Variants in SPTBN2 observed in about 807,000 individuals in gnomAD.
SPTBN2 encodes spectrin beta, non-erythrocytic 2.
Under a neutral mutation model 284.2 loss-of-function variants are expected in SPTBN2, and 107 were observed. The ratio of observed to expected loss-of-function variants is 0.38; its 90% confidence interval spans 0.32 to 0.44. The LOEUF is 0.44. SPTBN2 is among the 20% of genes least tolerant of loss of function. SPTBN2 has a pLI of 1.00. For synonymous variants in SPTBN2, 1,289 were observed against 1,354.8 expected, an observed-to-expected ratio of 0.95 and a Z score of 1.07; for missense variants, 2,569 against 3,287.1, an observed-to-expected ratio of 0.78 and a Z score of 5.34.
rs766376475 is a variant in SPTBN2 at position 66,687,171 on chromosome 11, C to G, written c.6723-4G>C. 1 of 1,613,718 alleles carries G rather than the reference C, an allele frequency of 6.2e-7. No individual in the cohort carries two copies. Among genetic ancestry groups the G allele is most frequent in the South Asian group, 1.1e-5 (1 of 91,088 alleles). On this transcript the variant is annotated splice_polypyrimidine_tract_variant and splice_region_variant and intron_variant, in intron 35 of 37. Coordinates refer to ENST00000533211, the MANE Select transcript of SPTBN2 (RefSeq NM_006946.4). The surrounding 1 kb of genome is among the most constrained non-coding windows in gnomAD (Gnocchi z 5.2). ...ACAGTACACGTTCTGCCAGGACCTG[C>G]GAGGGACGCGGTGCTGACTGGCCGG... is the stretch of plus-strand genomic sequence containing the variant.
At position 66,714,168 on chromosome 11, in the gene SPTBN2, A is replaced by G; in HGVS notation, c.579T>C (p.Tyr193=). The G allele has an allele frequency of 1.2e-6, 2 of 1,614,162 alleles. No individual in the cohort carries two copies. Among genetic ancestry groups the G allele is most frequent in the Non-Finnish European group, 1.7e-6 (2 of 1,180,014 alleles). The change falls in exon 7 of 38, where the codon TAT becomes TAC. Residue 193 remains tyrosine, a synonymous_variant. Transcript: ENST00000533211. ...LLWCQMKTAG[Y]PNVNVHNFTT... is the part of the protein sequence containing the mutation. Reference sequence around the variant, plus strand: ...TGAAGTTGTGTACATTGACGTTGGGATAACTATAAACAGAGATTCAGAAAA... The same window carrying G: ...TGAAGTTGTGTACATTGACGTTGGGGTAACTATAAACAGAGATTCAGAAAA...
chr11:66,737,264 G>C (rs2135610472), intron 1 of SPTBN2, among the ~76,000 whole-genome samples: 1 of 152,316 alleles, frequency 6.6e-6, no homozygotes, highest in East Asian at 1.9e-4. Context: ...TGAAAGAACT[G>C]ATAACAGGGT....
chr11:66,692,937 C>T, intron 25 of SPTBN2, 33 bp downstream of exon 25: 1 of 1,599,714 alleles, frequency 6.3e-7, no homozygotes, highest in East Asian at 2.2e-5. Flanking sequence ...CCGGCTCCAC[C>T]CCCAGGCTGG....
chr11:66,717,341 T>C (rs1473258932), intron 3 of SPTBN2, among the ~76,000 whole-genome samples: 1 of 152,104 alleles, frequency 6.6e-6, no homozygotes, highest in East Asian at 1.9e-4. Flanking sequence ...CAGAGAGCCC[T>C]GTGCAAGGAC....
At chr11:66,695,784 C>T (rs942559280) in intron 21 of SPTBN2, among the ~76,000 whole-genome samples, 14 of 151,768 alleles carry the variant, frequency 9.2e-5, no homozygotes, top group Admixed American at 3.9e-4. Context: ...GGCTGGAGTG[C>T]GATGGCATGA....
chr11:66,722,305 T>G (rs1010250078), intron 1 of SPTBN2, among the ~76,000 whole-genome samples: 1 of 152,144 alleles, frequency 6.6e-6, no homozygotes, highest in Non-Finnish European at 1.5e-5. Context: ...CTGGGCGCGG[T>G]GTCTCACGCC....
chr11:66,732,621 G>A (rs1248300890), upstream of SPTBN2, among the ~76,000 whole-genome samples: 4 of 132,540 alleles, frequency 3.0e-5, no homozygotes, highest in African/African-American at 1.2e-4. Flanking sequence ...CTACACTCCA[G>A]CCTGGGCAAC....
intron 1 of SPTBN2, among the ~76,000 whole-genome samples, chr11:66,736,351 G>A (rs1454915874): frequency 2.0e-5 from 3 of 152,110 alleles, no homozygotes; most frequent in African/African-American, 7.2e-5. Context: ...TCTCCAGGTG[G>A]GACTCAAACC....
At chr11:66,743,747 G>C (rs1023409065) in intron 1 of SPTBN2, among the ~76,000 whole-genome samples, 15 of 152,336 alleles carry the variant, frequency 9.8e-5, no homozygotes, top group African/African-American at 3.6e-4. Flanking sequence ...AACGTGGAAA[G>C]GGGCCTGGAT....
intron 25 of SPTBN2, 100 bp from the exon 26 acceptor site, chr11:66,692,840 C>G: frequency 5.0e-6 from 8 of 1,594,804 alleles, no homozygotes; most frequent in Non-Finnish European, 6.8e-6. Flanking sequence ...CCCAACAGCT[C>G]GCCCACCCTG....
intron 3 of SPTBN2, among the ~76,000 whole-genome samples, chr11:66,720,100 G>A (rs562567317): frequency 2.6e-5 from 4 of 152,318 alleles, no homozygotes; most frequent in African/African-American, 9.6e-5. Context: ...GGAGGGGCTT[G>A]GAAACCTGTA....
Position 66,699,100 on chromosome 11 carries a change from T to C in SPTBN2, c.3777-18A>G. The C allele has an allele frequency of 1.9e-6, 3 of 1,614,092 alleles. No individual in the cohort carries two copies. The highest frequency in any genetic ancestry group is 2.5e-6 in the Non-Finnish European group (3 of 1,179,956). On this transcript the variant is annotated intron_variant, in intron 18 of 37. Transcript: ENST00000533211. Reference sequence around the variant, plus strand: ...TCTTGTGCCTGGAACGACACCCTCTTGTGAAACTCTGGAATTTGCTGTGAA... The same window carrying C: ...TCTTGTGCCTGGAACGACACCCTCTCGTGAAACTCTGGAATTTGCTGTGAA...
Position 66,694,244 on chromosome 11 carries a change from C to T in SPTBN2, c.4398G>A (p.Val1466=). The change falls in exon 22 of 38, where the codon GTG becomes GTA. Residue 1466 remains valine, a synonymous_variant. Transcript: ENST00000533211. ...GGCACAAGGCCCTGAACTTCTCCTC[C>T]ACGGCCCTCGAGGTTCTCTCCACCT... ...AGEVERTSRA[V]EEKFRALCQP... 6.2e-7 allele frequency: 1 copy of T among 1,614,164 alleles called. No individual in the cohort carries two copies. The highest frequency in any genetic ancestry group is 2.2e-5 in the East Asian group (1 of 44,888).
chr11:66,714,463 C>T (rs1340553416), intron 5 of SPTBN2, 56 bp from the exon 6 acceptor site: 2 of 1,417,048 alleles, frequency 1.4e-6, no homozygotes, highest in East Asian at 4.6e-5. Flanking sequence ...CTGGTGTTAT[C>T]AGAGATGCTC....
chr11:66,739,046 A>C (rs949008526), intron 1 of SPTBN2, among the ~76,000 whole-genome samples: 4 of 152,058 alleles, frequency 2.6e-5, no homozygotes, highest in African/African-American at 9.7e-5. Context: ...AGCTCAAGCG[A>C]TCTGCCCACT....
upstream of SPTBN2, among the ~76,000 whole-genome samples, chr11:66,731,705 T>G (rs1942815656): frequency 6.6e-6 from 1 of 152,162 alleles, no homozygotes. Flanking sequence ...CTCCATGCAT[T>G]CCCCTTGCTC....
chr11:66,735,926 T>A (rs1239198630), intron 1 of SPTBN2, among the ~76,000 whole-genome samples: 1 of 152,156 alleles, frequency 6.6e-6, no homozygotes, highest in Non-Finnish European at 1.5e-5. Flanking sequence ...TAAACAAGCA[T>A]GCTGCACAAG....
chr11:66,686,044 A>T lies in SPTBN2; in HGVS notation c.7000T>A (p.Ser2334Thr), dbSNP rs1432504106. ...ACCACCGGCTCTTCAGGCTCTCCAG[A>T]GGCAGAAGACGCTGTGGCAATGGCT... The part of the protein sequence containing the change: ...NAAIATASSA[S>T]GEPEEPVVPS... Residue 2334 changes from serine (S) to threonine (T), a missense_variant, in exon 38 of 38, where the codon TCT becomes ACT. Coordinates refer to ENST00000533211, the MANE Select transcript of SPTBN2 (RefSeq NM_006946.4). 6.2e-7 allele frequency: 1 copy of T among 1,613,608 alleles called. No individual in the cohort carries two copies. Among genetic ancestry groups the T allele is most frequent in the Non-Finnish European group, 8.5e-7 (1 of 1,179,992 alleles).
chr11:66,692,779 G>A, intron 25 of SPTBN2, 39 bp from the exon 26 acceptor site: 2 of 1,599,266 alleles, frequency 1.3e-6, no homozygotes, highest in Non-Finnish European at 1.7e-6. Context: ...GGACTTAGGG[G>A]TGTAGCTCTG....
Sources: allele counts gnomAD v4.1 joint callset (sites outside exome capture counted in the v4.1 genomes callset), GRCh38; gene constraint gnomAD v4.1.1; non-coding constraint Gnocchi (gnomAD v3.1); transcripts MANE v1.5; gene names NCBI Gene and HGNC (gene_info 2026-07-23, HGNC 2026-07-21).